Variants in CFAP54 observed in about 807,000 individuals in gnomAD.
CFAP54 encodes cilia- and flagella-associated protein 54.
In CFAP54, 290 loss-of-function variants were observed where a neutral mutation model predicts 370.4. The observed-to-expected ratio is 0.78, with a 90% confidence interval of 0.71 to 0.86. CFAP54 has a LOEUF of 0.86. CFAP54 is among the 40% of genes least tolerant of loss of function. CFAP54 has a pLI of 0.00. For missense variants in CFAP54, 3,399 were observed against 3,528.7 expected (o/e 0.96, Z 0.93); for synonymous variants, 1,206 against 1,236.5 (o/e 0.98, Z 0.52).
At position 96,720,441 on chromosome 12, in the gene CFAP54, T is replaced by C; in HGVS notation, c.6841T>C (p.Phe2281Leu). 1 of 1,587,984 alleles carries C rather than the reference T, an allele frequency of 6.3e-7. No individual in the cohort carries two copies. The highest frequency in any genetic ancestry group is 8.6e-7 in the Non-Finnish European group (1 of 1,166,122). The change falls in exon 50 of 68, where the codon TTC becomes CTC. Residue 2281 changes from phenylalanine (F) to leucine (L), a missense_variant. Phe to Leu is a conservative substitution (Grantham distance 22, BLOSUM62 0). Transcript: ENST00000524981. ...GATGGAAGCTGAGGACAGGCTAAAC[T>C]TCCTTCTGTCCGAGGTGGAACAGAA... is the stretch of plus-strand genomic sequence containing the variant. The part of the protein sequence containing the change: ...LLMEAEDRLN[F>L]LLSEVEQKTL...
chr12:96,753,531 T>C (rs1958214681), intron 55 of CFAP54, among the ~76,000 whole-genome samples: 1 of 150,606 alleles, frequency 6.6e-6, no homozygotes, highest in African/African-American at 2.4e-5. Flanking sequence ...TAGAAATGTA[T>C]CAAAGAAAAA....
intron 39 of CFAP54, among the ~76,000 whole-genome samples, chr12:96,672,723 C>T (rs553149129): frequency 2.0e-5 from 3 of 152,282 alleles, no homozygotes; most frequent in Non-Finnish European, 4.4e-5. Context: ...CTGGGGAATT[C>T]TCCTACTTTG....
chr12:96,825,226 C>T (rs1046986500), intron 65 of CFAP54, among the ~76,000 whole-genome samples: 1 of 133,370 alleles, frequency 7.5e-6, no homozygotes, highest in African/African-American at 2.8e-5. Context: ...TATATATTCT[C>T]TCCCACATCT....
chr12:96,766,598 G>A (rs34476), intron 60 of CFAP54, among the ~76,000 whole-genome samples: 135,506 of 152,188 alleles, frequency 0.89, 60,475 homozygotes, highest in East Asian at 0.96. Context: ...AGCTCTCCCA[G>A]ACCATTTCAT....
intron 39 of CFAP54, among the ~76,000 whole-genome samples, chr12:96,670,669 G>GT (rs1482987711): frequency 6.6e-6 from 1 of 152,200 alleles, no homozygotes; most frequent in African/African-American, 2.4e-5. Context: ...GCTGGGAAAT[G>GT]TAACAGGAGA....
chr12:96,842,241 A>G (rs927602603), intron 66 of CFAP54, among the ~76,000 whole-genome samples: 16 of 152,298 alleles, frequency 1.1e-4, no homozygotes, highest in East Asian at 1.9e-4. Flanking sequence ...TTATTTTGAG[A>G]TAATTGTAGA....
At chr12:96,816,997 T>C (rs1274019843) in intron 64 of CFAP54, among the ~76,000 whole-genome samples, 2 of 152,198 alleles carry the variant, frequency 1.3e-5, no homozygotes, top group African/African-American at 4.8e-5. Flanking sequence ...CCGACACACA[T>C]GCAATACACT....
chr12:96,606,560 A>T (rs1184226716), intron 26 of CFAP54, among the ~76,000 whole-genome samples: 1 of 152,204 alleles, frequency 6.6e-6, no homozygotes, highest in Admixed American at 6.5e-5. Flanking sequence ...GGCTTGCAGG[A>T]AGGCTATTTG....
At chr12:96,751,891 A>G (rs1958187622) in intron 55 of CFAP54, among the ~76,000 whole-genome samples, 2 of 152,192 alleles carry the variant, frequency 1.3e-5, no homozygotes, top group East Asian at 1.9e-4. Context: ...CACTTGTTTT[A>G]AGAGCTTTGT....
At chr12:96,562,051 G>T (rs1265231632) in intron 17 of CFAP54, among the ~76,000 whole-genome samples, 1 of 152,120 alleles carries the variant, frequency 6.6e-6, no homozygotes, top group East Asian at 1.9e-4. Context: ...CTCCCAAAGT[G>T]CTGGGATTAC....
At chr12:96,573,596 A>G (rs1020154635) in intron 19 of CFAP54, among the ~76,000 whole-genome samples, 9 of 152,148 alleles carry the variant, frequency 5.9e-5, no homozygotes, top group African/African-American at 2.2e-4. Flanking sequence ...CTTTTATGAC[A>G]TTGCTCCCTC....
At chr12:96,558,416 G>T (rs762519161) in intron 17 of CFAP54, among the ~76,000 whole-genome samples, 8 of 152,010 alleles carry the variant, frequency 5.3e-5, no homozygotes, top group Non-Finnish European at 1.2e-4. Flanking sequence ...AAAACTATTA[G>T]AACTGATAAA....
At chr12:96,755,598 A>C (rs1436911576) in intron 56 of CFAP54, among the ~76,000 whole-genome samples, 1 of 152,016 alleles carries the variant, frequency 6.6e-6, no homozygotes, top group Non-Finnish European at 1.5e-5. Flanking sequence ...TCTTCAAATA[A>C]CAGGATTTCT....
chr12:96,489,664 G>A lies in CFAP54; in HGVS notation c.55G>A (p.Gly19Arg). ...TCCGTCAGACGACTCTACCACCTCG[G>A]GGTCTCTGCCAGAACTGCCGCCGAC... The part of the protein sequence containing the change: ...SSPSDDSTTS[G>R]SLPELPPTST... Residue 19 changes from glycine (G) to arginine (R), a missense_variant, in exon 1 of 68, where the codon GGG becomes AGG. By Grantham distance (125) the Gly-to-Arg change is moderately radical. Coordinates refer to ENST00000524981, the MANE Select transcript of CFAP54 (RefSeq NM_001306084.2). 2.0e-6 allele frequency: 3 copies of A among 1,535,372 alleles called. No homozygotes were observed. Among genetic ancestry groups the A allele is most frequent in the Non-Finnish European group, 2.6e-6 (3 of 1,146,318 alleles).
intron 47 of CFAP54, among the ~76,000 whole-genome samples, chr12:96,708,178 G>A (rs569463435): frequency 4.6e-5 from 7 of 152,182 alleles, no homozygotes; most frequent in East Asian, 3.9e-4. Flanking sequence ...AATGATTGAC[G>A]GTGGACTCTA....
intron 65 of CFAP54, among the ~76,000 whole-genome samples, chr12:96,825,941 A>G (rs1376632498): frequency 7.1e-6 from 1 of 141,628 alleles, no homozygotes; most frequent in Non-Finnish European, 1.5e-5. Flanking sequence ...GTAACATAGT[A>G]CATTAATATA....
intron 17 of CFAP54, among the ~76,000 whole-genome samples, chr12:96,562,425 A>AT (rs1955825135): frequency 8.3e-6 from 1 of 120,870 alleles, no homozygotes; most frequent in African/African-American, 3.0e-5. Context: ...TTGTATTTGC[A>AT]TTCTTTTTTT....
chr12:96,840,622 C>A (rs200792029), intron 66 of CFAP54, among the ~76,000 whole-genome samples: 2 of 67,026 alleles, frequency 3.0e-5, no homozygotes, highest in Non-Finnish European at 7.6e-5. Flanking sequence ...TTCTCTGTTT[C>A]TTTCTTTTTT....
chr12:96,617,198 C>T (rs1357117209), intron 26 of CFAP54, among the ~76,000 whole-genome samples: 1 of 152,122 alleles, frequency 6.6e-6, no homozygotes, highest in Admixed American at 6.5e-5. Flanking sequence ...GAGTTTTAAA[C>T]AGATTGAATT....
Sources: allele counts gnomAD v4.1 joint callset (sites outside exome capture counted in the v4.1 genomes callset), GRCh38; gene constraint gnomAD v4.1.1; transcripts MANE v1.5; gene names NCBI Gene and HGNC (gene_info 2026-07-23, HGNC 2026-07-21).